PRKAG2: variants seen among roughly 807,000 people sequenced by gnomAD.
PRKAG2 encodes the protein 5'-AMP-activated protein kinase subunit gamma-2.
A neutral mutation model predicts 69.6 loss-of-function variants in PRKAG2; 26 were observed. The ratio of observed to expected loss-of-function variants is 0.37; its 90% CI spans 0.27 to 0.52. The LOEUF (loss-of-function observed/expected upper bound fraction) is 0.52. Ranked by LOEUF, PRKAG2 falls within the 20% of genes least tolerant of loss-of-function variation. The probability of loss-of-function intolerance (pLI) is 0.90; values close to 1 mark genes in which losing one functional copy is unlikely to be tolerated. For synonymous variants in PRKAG2, 293 were observed against 285.0 expected (o/e 1.03, Z -0.28); for missense variants, 557 against 740.0 (o/e 0.75, Z 2.87).
At chr7:151,784,053 T>C (rs73728291) in intron 2 of PRKAG2, among the ~76,000 whole-genome samples, 18,529 of 150,060 alleles carry the variant, frequency 0.12, 3,712 homozygotes, top group African/African-American at 0.43. Flanking sequence ...TATCACAAGG[T>C]GACATAAGCT....
At chr7:151,735,923 T>TGGC in intron 3 of PRKAG2, 1 of 1,536,328 alleles carries the variant, frequency 6.5e-7, no homozygotes, top group East Asian at 2.4e-5. Flanking sequence ...AGGCTCCGAC[T>TGGC]GGCGCCTCTC....
In PRKAG2 at chr7:151,632,462, G is replaced by T. The variant is rs1824879571; in HGVS notation, c.685-324C>A. 3 of 698,188 alleles carry T rather than the reference G, an allele frequency of 4.3e-6. No homozygotes were observed. Among genetic ancestry groups the T allele is most frequent in the Non-Finnish European group, 5.3e-6 (3 of 568,406 alleles). The allele number at this position is 698,188 out of a possible 1,614,324, so 43.2% of individuals were successfully genotyped here. On this transcript the variant is annotated intron_variant, in intron 4 of 15. Transcript: ENST00000287878. This position sits in a 1 kb window ranked among gnomAD's most constrained non-coding sequence, Gnocchi z 4.2. ...GACCCGGGAGCTCGAGGGCGGCAGC[G>T]CCTGGGCCCGGGGCGCCCCCCTCCG...
intron 1 of PRKAG2, among the ~76,000 whole-genome samples, chr7:151,843,062 G>A (rs75116588): frequency 0.026 from 3,962 of 152,084 alleles, 62 homozygotes; most frequent in African/African-American, 0.036. Flanking sequence ...ATACACGCAG[G>A]CCATGCTTTT....
intron 1 of PRKAG2, among the ~76,000 whole-genome samples, chr7:151,806,047 G>T (rs2078083398): frequency 6.6e-6 from 1 of 152,198 alleles, no homozygotes; most frequent in Non-Finnish European, 1.5e-5. Context: ...AAATTAGCTG[G>T]GCGTGGTGGT....
In PRKAG2 at chr7:151,557,368, G is replaced by C. The variant is rs1358843811; in HGVS notation, c.1679-136C>G. 15 of 1,597,596 alleles carry C rather than the reference G, an allele frequency of 9.4e-6. No homozygotes were observed. In the East Asian group the frequency reaches 3.1e-4, roughly 34 times the overall value. Reference sequence around the variant, plus strand: ...CTTCGGAGGAGGGCGATGTGGGAAGGAGCAGGTGGCCCAAGCTCCCATCTC... The same window carrying C: ...CTTCGGAGGAGGGCGATGTGGGAAGCAGCAGGTGGCCCAAGCTCCCATCTC... On this transcript the variant is annotated intron_variant, in intron 15 of 15. Coordinates refer to ENST00000287878, the MANE Select transcript of PRKAG2 (RefSeq NM_016203.4).
intron 5 of PRKAG2, among the ~76,000 whole-genome samples, chr7:151,624,137 CGT>C (rs58644630): frequency 0.07 from 10,161 of 144,940 alleles, 464 homozygotes; most frequent in East Asian, 0.23. Context: ...CAGAAGGCAG[CGT>C]GTGTGTGTGT....
At chr7:151,795,894 G>A (rs1184167247) in intron 1 of PRKAG2, among the ~76,000 whole-genome samples, 8 of 85,786 alleles carry the variant, frequency 9.3e-5, no homozygotes, top group East Asian at 3.7e-4. Context: ...TATATATCAC[G>A]ATAATATGTA....
At chr7:151,736,128 A>C (rs1482723116) in intron 3 of PRKAG2, 1 of 1,478,904 alleles carries the variant, frequency 6.8e-7, no homozygotes, top group Non-Finnish European at 8.9e-7. Flanking sequence ...TCAGAGTGGC[A>C]GCCTGTGCTC....
At chr7:151,660,307 G>A (rs965885687) in intron 4 of PRKAG2, among the ~76,000 whole-genome samples, 1 of 152,184 alleles carries the variant, frequency 6.6e-6, no homozygotes, top group Non-Finnish European at 1.5e-5. Context: ...TCTCAAACCC[G>A]TAGCTGAGTC....
At chr7:151,721,337 C>G (rs142400025) in intron 3 of PRKAG2, among the ~76,000 whole-genome samples, 4 of 152,228 alleles carry the variant, frequency 2.6e-5, no homozygotes, top group African/African-American at 9.6e-5. Flanking sequence ...CTTCTGCCTA[C>G]AACTGGAGCT....
At chr7:151,795,890 T>TATAA (rs1491286413) in intron 1 of PRKAG2, among the ~76,000 whole-genome samples, 32 of 96,582 alleles carry the variant, frequency 3.3e-4, no homozygotes, top group African/African-American at 7.9e-4. Flanking sequence ...TATATATATA[T>TATAA]CACGATAATA....
chr7:151,713,226 T>C (rs547914480), intron 3 of PRKAG2, among the ~76,000 whole-genome samples: 2 of 151,890 alleles, frequency 1.3e-5, no homozygotes, highest in South Asian at 2.1e-4. Context: ...AAAATGGATA[T>C]GCAGTTTGCA....
intron 5 of PRKAG2, among the ~76,000 whole-genome samples, chr7:151,627,133 C>T (rs1020858855): frequency 7.9e-5 from 12 of 152,278 alleles, no homozygotes; most frequent in African/African-American, 2.6e-4. Flanking sequence ...AAACTCTTAA[C>T]GACAGCAATA....
rs6959022 is a variant in PRKAG2, at chr7:151,836,636, T to C, written c.114+39871A>G. Among the ~76,000 whole-genome samples, 6,410 of 152,270 alleles carry C rather than the reference T, an allele frequency of 0.042. 442 individuals are homozygous for C. The highest frequency in any genetic ancestry group is 0.14 in the African/African-American group (6,000 of 41,528). On this transcript the variant is annotated intron_variant, in intron 1 of 15. Transcript: ENST00000287878. The surrounding 1 kb of genome is among the most constrained non-coding windows in gnomAD (Gnocchi z 4.1). ...CTCTAGGCTGTCCCAGCTGTGCCTCTGGCCTCCTGTCTGGGTGCAGCCTTA... is the reference window on the plus strand; with the variant it reads ...CTCTAGGCTGTCCCAGCTGTGCCTCCGGCCTCCTGTCTGGGTGCAGCCTTA...
intron 4 of PRKAG2, among the ~76,000 whole-genome samples, chr7:151,642,524 C>T (rs1006344187): frequency 7.9e-5 from 12 of 152,098 alleles, no homozygotes; most frequent in African/African-American, 2.4e-4. Context: ...CTGAGACCAC[C>T]CCACTCCCCA....
intron 3 of PRKAG2, among the ~76,000 whole-genome samples, chr7:151,769,326 A>T (rs961001267): frequency 2.0e-5 from 3 of 152,190 alleles, no homozygotes; most frequent in African/African-American, 7.2e-5. Flanking sequence ...AGGTGACCTT[A>T]TTTGGCAACA....
intron 3 of PRKAG2, among the ~76,000 whole-genome samples, chr7:151,711,544 A>G (rs1311686550): frequency 1.3e-5 from 2 of 152,244 alleles, no homozygotes; most frequent in Non-Finnish European, 2.9e-5. Context: ...ACTTCAGAAA[A>G]TAGTCAAAGA....
At position 151,781,697 on chromosome 7, in the gene PRKAG2, C is replaced by T. The variant is rs971752868; in HGVS notation, c.187-266G>A. Among the ~76,000 whole-genome samples, 2 of 152,120 alleles carry T rather than the reference C, an allele frequency of 1.3e-5. No homozygotes were observed. Among genetic ancestry groups the T allele is most frequent in the Non-Finnish European group, 2.9e-5 (2 of 67,996 alleles). On this transcript the variant is annotated intron_variant, in intron 2 of 15. Coordinates refer to ENST00000287878, the MANE Select transcript of PRKAG2 (RefSeq NM_016203.4). This position sits in a 1 kb window ranked among gnomAD's most constrained non-coding sequence, Gnocchi z 6.1. ...TGTCCCACTCCTTAGAAGGGGCTTC[C>T]AGGAGGTAGAGGGGAGGAAGGGAAG...
intron 3 of PRKAG2, among the ~76,000 whole-genome samples, chr7:151,682,669 G>A (rs1008542279): frequency 3.3e-5 from 5 of 152,192 alleles, no homozygotes; most frequent in African/African-American, 1.2e-4. Context: ...GGGGTGTTGA[G>A]GAAGGAGGTG....
Sources: allele counts gnomAD v4.1 joint callset (sites outside exome capture counted in the v4.1 genomes callset), GRCh38; gene constraint gnomAD v4.1.1; non-coding constraint Gnocchi (gnomAD v3.1); transcripts MANE v1.5; gene names NCBI Gene and HGNC (gene_info 2026-07-23, HGNC 2026-07-21).